The following GPR158 variants were observed in gnomAD, a reference collection of about 807,000 sequenced individuals.
GPR158 encodes G protein-coupled receptor 158.
GPR158 carries 30 observed loss-of-function variants against 78.2 expected under a neutral mutation model. The observed-to-expected ratio is 0.38, with a 90% CI of 0.29 to 0.52. GPR158 has a LOEUF of 0.52. Among genes scored for constraint, GPR158 ranks in the 20% least tolerant of loss-of-function variants. GPR158 has a pLI of 0.83. For synonymous variants in GPR158, 581 were observed against 591.1 expected, an observed-to-expected ratio of 0.98 and a Z score of 0.25; for missense variants, 1,463 against 1,523.5, an observed-to-expected ratio of 0.96 and a Z score of 0.66.
intron 5 of GPR158, among the ~76,000 whole-genome samples, chr10:25,513,641 G>A (rs909310828): frequency 6.6e-6 from 1 of 151,872 alleles, no homozygotes; most frequent in African/African-American, 2.4e-5. Flanking sequence ...TCAGACTTTT[G>A]ATGTAGGCAT....
chr10:25,232,528 A>G (rs1272619705), intron 2 of GPR158, among the ~76,000 whole-genome samples: 2 of 152,110 alleles, frequency 1.3e-5, no homozygotes, highest in Admixed American at 6.6e-5. Context: ...GTTCCCTGAT[A>G]TCTTCTTTTT....
At chr10:25,408,434 A>G (rs559409809) in intron 3 of GPR158, among the ~76,000 whole-genome samples, 1 of 152,226 alleles carries the variant, frequency 6.6e-6, no homozygotes, top group South Asian at 2.1e-4. Flanking sequence ...CTGTTCTTCC[A>G]TCTTGTCCAG....
intron 5 of GPR158, among the ~76,000 whole-genome samples, chr10:25,520,723 C>T (rs1278402783): frequency 6.6e-6 from 1 of 152,150 alleles, no homozygotes; most frequent in Non-Finnish European, 1.5e-5. Context: ...AGGAGGCAGT[C>T]TGCCCGTTCT....
chr10:25,477,350 A>G (rs1192951493), intron 5 of GPR158, among the ~76,000 whole-genome samples: 2 of 152,188 alleles, frequency 1.3e-5, no homozygotes, highest in African/African-American at 4.8e-5. Context: ...TAGATTTGAC[A>G]GCAAGAACCC....
intron 2 of GPR158, among the ~76,000 whole-genome samples, chr10:25,362,415 A>G (rs1329742122): frequency 6.6e-6 from 1 of 151,812 alleles, no homozygotes; most frequent in African/African-American, 2.4e-5. Flanking sequence ...TTTTTCTTCA[A>G]TATTTTCTTG....
At chr10:25,566,343 A>G (rs951577898) in intron 6 of GPR158, among the ~76,000 whole-genome samples, 4 of 152,148 alleles carry the variant, frequency 2.6e-5, no homozygotes, top group Non-Finnish European at 5.9e-5. Flanking sequence ...TATATCTTCA[A>G]TATTATTCAT....
At chr10:25,271,335 C>G (rs1302919952) in intron 2 of GPR158, among the ~76,000 whole-genome samples, 3 of 152,190 alleles carry the variant, frequency 2.0e-5, no homozygotes, top group African/African-American at 7.2e-5. Flanking sequence ...ATGTCTGTCT[C>G]TCTCACTAAA....
intron 2 of GPR158, among the ~76,000 whole-genome samples, chr10:25,221,747 A>G (rs1369547603): frequency 6.6e-6 from 1 of 152,206 alleles, no homozygotes; most frequent in African/African-American, 2.4e-5. Flanking sequence ...TAAGACTATC[A>G]CTTGTCTTTT....
chr10:25,256,435 C>T (rs559145137), intron 2 of GPR158, among the ~76,000 whole-genome samples: 9 of 152,060 alleles, frequency 5.9e-5, no homozygotes, highest in Middle Eastern at 3.4e-3. Context: ...GAAGATCACG[C>T]GAGGCCAGGA....
At chr10:25,203,292 T>C (rs1454002021) in intron 1 of GPR158, among the ~76,000 whole-genome samples, 1 of 152,124 alleles carries the variant, frequency 6.6e-6, no homozygotes, top group African/African-American at 2.4e-5. Context: ...CTTTTGTTGC[T>C]ATTGCTTTTG....
At chr10:25,185,683 C>A (rs566860995) in intron 1 of GPR158, among the ~76,000 whole-genome samples, 1 of 151,978 alleles carries the variant, frequency 6.6e-6, no homozygotes, top group African/African-American at 2.4e-5. Flanking sequence ...ATTAGCCAGG[C>A]GTGGTGGCAG....
intron 1 of GPR158, among the ~76,000 whole-genome samples, chr10:25,219,307 A>T (rs978184900): frequency 1.3e-5 from 2 of 152,182 alleles, no homozygotes; most frequent in Admixed American, 1.3e-4. Context: ...TCTGTCGTGC[A>T]TAGTGTTATC....
At chr10:25,514,541 A>AT (rs1836134721) in intron 5 of GPR158, among the ~76,000 whole-genome samples, 1 of 152,132 alleles carries the variant, frequency 6.6e-6, no homozygotes, top group Non-Finnish European at 1.5e-5. Flanking sequence ...GATGTGAAGT[A>AT]CTATTCTATT....
At chr10:25,451,520 G>A (rs1375418835) in intron 4 of GPR158, among the ~76,000 whole-genome samples, 1 of 152,106 alleles carries the variant, frequency 6.6e-6, no homozygotes, top group Non-Finnish European at 1.5e-5. Context: ...TTATATTTCA[G>A]TAGAAGGTTA....
intron 2 of GPR158, among the ~76,000 whole-genome samples, chr10:25,222,150 T>G (rs1853307368): frequency 6.6e-6 from 1 of 151,854 alleles, no homozygotes; most frequent in Admixed American, 6.6e-5. Flanking sequence ...CCATTGAGTG[T>G]TTACCATGTA....
intron 1 of GPR158, among the ~76,000 whole-genome samples, chr10:25,205,288 T>TA: frequency 6.8e-6 from 1 of 147,772 alleles, no homozygotes; most frequent in East Asian, 2.0e-4. Context: ...TTTTTTTTTT[T>TA]ATTAGTCTAA....
intron 2 of GPR158, among the ~76,000 whole-genome samples, chr10:25,255,440 CCTGA>C (rs1255002749): frequency 6.6e-6 from 1 of 152,188 alleles, no homozygotes; most frequent in Non-Finnish European, 1.5e-5. Context: ...GGCTGGATGA[CCTGA>C]CTGTGTCCTC....
At chr10:25,520,968 C>G (rs921515526) in intron 5 of GPR158, among the ~76,000 whole-genome samples, 2 of 152,232 alleles carry the variant, frequency 1.3e-5, no homozygotes, top group African/African-American at 4.8e-5. Flanking sequence ...CCCAGCCTCG[C>G]TGGCGCCTTG....
chr10:25,415,970 A>C (rs1834653064), intron 4 of GPR158, among the ~76,000 whole-genome samples: 1 of 152,166 alleles, frequency 6.6e-6, no homozygotes, highest in African/African-American at 2.4e-5. Context: ...CTACTGGATT[A>C]TATACTTTAA....
Sources: gnomAD v4.1 joint callset for allele counts (sites outside exome capture counted in the v4.1 genomes callset) on GRCh38, gnomAD v4.1.1 for gene constraint, MANE v1.5 for transcripts, NCBI Gene and HGNC (gene_info 2026-07-23, HGNC 2026-07-21) for gene names.